Variants in TBL1XR1 observed in about 807,000 individuals in gnomAD.
The protein encoded by TBL1XR1 is F-box-like/WD repeat-containing protein TBL1XR1.
Under a neutral mutation model 66.9 loss-of-function variants are expected in TBL1XR1, and 5 were observed. The observed-to-expected ratio is 0.07, with a 90% confidence interval of 0.04 to 0.16. The LOEUF (loss-of-function observed/expected upper bound fraction) is 0.16, where lower values mean the gene tolerates loss of function less well. TBL1XR1 is among the 10% of genes least tolerant of loss of function. The pLI is 1.00. For missense variants in TBL1XR1, 238 were observed against 623.2 expected (o/e 0.38, Z 6.58); for synonymous variants, 210 against 206.0 (o/e 1.02, Z -0.17).
chr3:177,193,893 T>C (rs2109018001), intron 1 of TBL1XR1, among the ~76,000 whole-genome samples: 1 of 152,312 alleles, frequency 6.6e-6, no homozygotes, highest in Non-Finnish European at 1.5e-5. Context: ...TTAACTTCTT[T>C]GCATCTCTGT....
Position 177,132,613 on chromosome 3 carries a change from G to T in TBL1XR1, c.-121-34072C>A, listed in dbSNP as rs147482527. ...AATAAAACCGAATGATACGATAGTG[G>T]AAAGTCATAGAGACAAAATGGGATT... On this transcript the variant is annotated intron_variant, in intron 1 of 15. Coordinates refer to ENST00000457928, the MANE Select transcript of TBL1XR1 (RefSeq NM_024665.7). Among the ~76,000 whole-genome samples the T allele has an allele frequency of 4.9e-3, 739 of 152,292 alleles. 5 individuals carry two copies. The highest frequency in any genetic ancestry group is 8.9e-3 in the Non-Finnish European group (606 of 68,022).
chr3:177,193,615 C>T (rs1736448316), intron 1 of TBL1XR1, among the ~76,000 whole-genome samples: 2 of 152,182 alleles, frequency 1.3e-5, no homozygotes, highest in Admixed American at 1.3e-4. Flanking sequence ...AGCAAGACTG[C>T]ATCTTATTAA....
upstream of TBL1XR1, among the ~76,000 whole-genome samples, chr3:177,201,414 C>CA (rs557996871): frequency 0.041 from 1,659 of 40,188 alleles, 62 homozygotes; most frequent in Non-Finnish European, 0.072. Flanking sequence ...GATTACATCT[C>CA]AAAAAAAAAA....
chr3:177,089,463 G>A (rs1483463930), intron 2 of TBL1XR1, among the ~76,000 whole-genome samples: 1 of 152,196 alleles, frequency 6.6e-6, no homozygotes, highest in East Asian at 1.9e-4. Context: ...GTTCTACACT[G>A]TTCCCGAGGA....
intron 1 of TBL1XR1, chr3:177,131,493 AT>A: frequency 1.9e-6 from 1 of 530,190 alleles, no homozygotes; most frequent in Middle Eastern, 9.6e-4. Flanking sequence ...AAAAAAACAC[AT>A]TGTCATTCTG....
intron 1 of TBL1XR1, among the ~76,000 whole-genome samples, chr3:177,152,444 G>A (rs983825518): frequency 3.3e-5 from 5 of 152,028 alleles, no homozygotes; most frequent in East Asian, 3.9e-4. Context: ...CCACCACCAC[G>A]CCCGGCTAAT....
At chr3:177,139,155 AAC>A (rs1373804777) in intron 1 of TBL1XR1, among the ~76,000 whole-genome samples, 1 of 152,198 alleles carries the variant, frequency 6.6e-6, no homozygotes, top group African/African-American at 2.4e-5. Context: ...GGACTCAAAA[AAC>A]ACACTGCAAG....
At chr3:177,068,435 CTTA>C (rs1475450975) in intron 2 of TBL1XR1, among the ~76,000 whole-genome samples, 1 of 152,138 alleles carries the variant, frequency 6.6e-6, no homozygotes, top group Non-Finnish European at 1.5e-5. Context: ...CAAAAGTTCG[CTTA>C]ATATTGTAAA....
chr3:177,083,260 A>T (rs1310908000), intron 2 of TBL1XR1, among the ~76,000 whole-genome samples: 1 of 152,172 alleles, frequency 6.6e-6, no homozygotes, highest in Non-Finnish European at 1.5e-5. Context: ...TCTCCCATTA[A>T]TCATACTTGA....
intron 6 of TBL1XR1, 144 bp from the exon 7 acceptor site, chr3:177,050,282 C>T (rs1461468128): frequency 1.3e-5 from 17 of 1,263,376 alleles, no homozygotes; most frequent in East Asian, 4.7e-5. Context: ...CCATTCTACA[C>T]GTTGGGACCC....
intron 1 of TBL1XR1, among the ~76,000 whole-genome samples, chr3:177,176,460 G>C (rs547234936): frequency 2.0e-5 from 3 of 149,930 alleles, no homozygotes; most frequent in African/African-American, 7.4e-5. Flanking sequence ...GCCTCCCAAA[G>C]TACTGGGAAT....
chr3:177,072,802 G>A (rs1046308287), intron 2 of TBL1XR1, among the ~76,000 whole-genome samples: 5 of 152,190 alleles, frequency 3.3e-5, no homozygotes, highest in Non-Finnish European at 7.4e-5. Flanking sequence ...AGTGGCTCAC[G>A]CCTGTAATCC....
chr3:177,164,893 G>C (rs1297593361), intron 1 of TBL1XR1, among the ~76,000 whole-genome samples: 2 of 152,076 alleles, frequency 1.3e-5, no homozygotes, highest in Non-Finnish European at 2.9e-5. Flanking sequence ...CTACAGCATT[G>C]TAGGAAAAAT....
At chr3:177,175,399 T>C (rs1476339454) in intron 1 of TBL1XR1, among the ~76,000 whole-genome samples, 2 of 152,194 alleles carry the variant, frequency 1.3e-5, no homozygotes, top group African/African-American at 4.8e-5. Context: ...GCACCTGAAC[T>C]CACAAGTTTA....
chr3:177,113,044 C>T lies in TBL1XR1; in HGVS notation c.-121-14503G>A, dbSNP rs532584610. Among the ~76,000 whole-genome samples the T allele has an allele frequency of 2.2e-4, 34 of 151,154 alleles. 3 individuals are homozygous for T. The South Asian group carries it at 6.9e-3, about 31-fold the overall frequency. ...ACACACGGAATAGAATAGAGAGAAC[C>T]CAAAAGTAAATCTACACATTTACAG... On this transcript the variant is annotated intron_variant, in intron 1 of 15. Transcript: ENST00000457928.
chr3:177,059,909 G>C (rs975623620), intron 3 of TBL1XR1, among the ~76,000 whole-genome samples: 13 of 152,196 alleles, frequency 8.5e-5, no homozygotes, highest in Non-Finnish European at 5.9e-5. Flanking sequence ...TAGATTTGCT[G>C]AGTCTTCCAG....
At chr3:177,171,723 A>AC (rs1733538422) in intron 1 of TBL1XR1, among the ~76,000 whole-genome samples, 2 of 151,226 alleles carry the variant, frequency 1.3e-5, no homozygotes, top group Non-Finnish European at 2.9e-5. Context: ...AAAAAAAAAA[A>AC]AAAAGTTTGC....
At chr3:177,106,063 T>C (rs1724846025) in intron 1 of TBL1XR1, among the ~76,000 whole-genome samples, 2 of 151,542 alleles carry the variant, frequency 1.3e-5, no homozygotes, top group Non-Finnish European at 2.9e-5. Flanking sequence ...TCAATCTGTC[T>C]CCCAAAAATG....
At chr3:177,027,377 C>A (rs1713292206) in intron 14 of TBL1XR1, 1 of 152,198 alleles carries the variant, frequency 6.6e-6, no homozygotes, top group Non-Finnish European at 1.5e-5. Flanking sequence ...TGTAATCATT[C>A]ATTAAGCTGA....
Sources: allele counts gnomAD v4.1 joint callset (sites outside exome capture counted in the v4.1 genomes callset), GRCh38; gene constraint gnomAD v4.1.1; transcripts MANE v1.5; gene names NCBI Gene and HGNC (gene_info 2026-07-23, HGNC 2026-07-21).